MIPEP: variants seen among roughly 807,000 people sequenced by gnomAD.
The protein encoded by MIPEP is mitochondrial intermediate peptidase.
A neutral mutation model predicts 90.3 loss-of-function variants in MIPEP; 79 were observed. The ratio of observed to expected loss-of-function variants is 0.87; its 90% CI spans 0.73 to 1.05. MIPEP has a LOEUF of 1.05. Ranked by LOEUF, MIPEP falls within the 50% of genes least tolerant of loss-of-function variation. The pLI, the probability that MIPEP is intolerant of heterozygous loss-of-function variation, is 0.00. For missense variants in MIPEP, 940 were observed against 905.6 expected, an observed-to-expected ratio of 1.04 and a Z score of -0.49; for synonymous variants, 334 against 315.8, an observed-to-expected ratio of 1.06 and a Z score of -0.61.
chr13:23,749,094 A>C (rs1952413125), intron 18 of MIPEP, among the ~76,000 whole-genome samples: 1 of 152,226 alleles, frequency 6.6e-6, no homozygotes, highest in Admixed American at 6.5e-5. Flanking sequence ...ATTAACTACT[A>C]CTAATTTTCA....
chr13:23,765,741 G>T (rs1160057763), intron 16 of MIPEP, among the ~76,000 whole-genome samples: 1 of 152,170 alleles, frequency 6.6e-6, no homozygotes, highest in African/African-American at 2.4e-5. Context: ...GGACACCATG[G>T]GATTCTTTCA....
chr13:23,752,011 G>A (rs900293995), intron 18 of MIPEP, among the ~76,000 whole-genome samples: 3 of 152,100 alleles, frequency 2.0e-5, no homozygotes, highest in Non-Finnish European at 2.9e-5. Context: ...TAAAGGCCAG[G>A]TCACTTTCAT....
At chr13:23,875,547 T>C (rs1396671110) in intron 4 of MIPEP, among the ~76,000 whole-genome samples, 1 of 151,534 alleles carries the variant, frequency 6.6e-6, no homozygotes, top group East Asian at 1.9e-4. Flanking sequence ...TTTTTGTCAA[T>C]GGTATTTTTT....
chr13:23,867,458 A>T (rs957471070), intron 7 of MIPEP, among the ~76,000 whole-genome samples: 1 of 152,150 alleles, frequency 6.6e-6, no homozygotes, highest in African/African-American at 2.4e-5. Context: ...ACACCAGCCT[A>T]CATGCCCACA....
chr13:23,859,785 C>T (rs1297405168), intron 9 of MIPEP, among the ~76,000 whole-genome samples: 1 of 152,176 alleles, frequency 6.6e-6, no homozygotes, highest in Non-Finnish European at 1.5e-5. Flanking sequence ...AAGGGCTCAA[C>T]AAATGTTGGC....
rs3858755 is a variant in MIPEP at position 23,881,806 on chromosome 13, A to G, written c.364-19T>C. 53 of 1,592,640 alleles carry G rather than the reference A, an allele frequency of 3.3e-5. No homozygotes were observed. The highest frequency in any genetic ancestry group is 4.4e-5 in the Non-Finnish European group (51 of 1,161,858). On this transcript the variant is annotated intron_variant, in intron 2 of 18. Coordinates refer to ENST00000382172, the MANE Select transcript of MIPEP (RefSeq NM_005932.4). ...AATCAGCCTAATAAAGGGGAAAGAC[A>G]AAACCAAAAGGGAATTTGATGAGAA...
chr13:23,833,289 CAAG>C (rs1302439527), intron 14 of MIPEP, among the ~76,000 whole-genome samples: 5 of 152,198 alleles, frequency 3.3e-5, no homozygotes, highest in African/African-American at 9.7e-5. Flanking sequence ...TCATTAGTGA[CAAG>C]AAGAGGCAAG....
chr13:23,866,224 T>C (rs991142037), intron 7 of MIPEP, among the ~76,000 whole-genome samples: 2 of 152,134 alleles, frequency 1.3e-5, no homozygotes, highest in Non-Finnish European at 2.9e-5. Context: ...CTAAATCCCA[T>C]GGCATTGTTT....
At chr13:23,754,357 A>G (rs1721178404) in intron 18 of MIPEP, among the ~76,000 whole-genome samples, 1 of 152,206 alleles carries the variant, frequency 6.6e-6, no homozygotes, top group East Asian at 1.9e-4. Context: ...ACATGAAACA[A>G]ATCATGTGAA....
chr13:23,795,897 G>A (rs971406256), intron 16 of MIPEP, among the ~76,000 whole-genome samples: 3 of 150,540 alleles, frequency 2.0e-5, no homozygotes, highest in Non-Finnish European at 4.4e-5. Context: ...CTGGGAAACC[G>A]AGACAGGAGG....
chr13:23,866,920 T>C (rs1870566306), intron 7 of MIPEP, among the ~76,000 whole-genome samples: 1 of 152,126 alleles, frequency 6.6e-6, no homozygotes, highest in Non-Finnish European at 1.5e-5. Flanking sequence ...CTCTTTCTAG[T>C]TGCTTAGGTC....
intron 16 of MIPEP, among the ~76,000 whole-genome samples, chr13:23,778,405 A>G (rs967144541): frequency 4.6e-5 from 7 of 152,182 alleles, no homozygotes; most frequent in Admixed American, 4.6e-4. Flanking sequence ...TAATAATCAC[A>G]TATGGTCATG....
chr13:23,886,326 A>G lies in MIPEP; in HGVS notation c.363+7T>C, dbSNP rs751403106. 9.9e-6 allele frequency: 15 copies of G among 1,509,838 alleles called. No individual in the cohort carries two copies. The African/African-American group carries it at 1.8e-4, about 18-fold the overall frequency. 93.5% of individuals were successfully genotyped at this position (1,509,838 alleles called of 1,614,324 possible). ...GGTAGCTTCAAGTCTGAGGTAAAGCACCTTACCAAGTCGGCCACTCTGCAT... is the reference window on the plus strand; with the variant it reads ...GGTAGCTTCAAGTCTGAGGTAAAGCGCCTTACCAAGTCGGCCACTCTGCAT... On this transcript the variant is annotated splice_region_variant and intron_variant, in intron 2 of 18. Coordinates refer to ENST00000382172, the MANE Select transcript of MIPEP (RefSeq NM_005932.4).
intron 15 of MIPEP, among the ~76,000 whole-genome samples, chr13:23,808,733 T>TA (rs1349232752): frequency 6.6e-6 from 1 of 152,194 alleles, no homozygotes; most frequent in Non-Finnish European, 1.5e-5. Context: ...AGAAATCCTT[T>TA]AAAAATTATA....
At chr13:23,732,066 T>C (rs1350213633) in intron 18 of MIPEP, among the ~76,000 whole-genome samples, 1 of 146,758 alleles carries the variant, frequency 6.8e-6, no homozygotes, top group African/African-American at 2.5e-5. Context: ...CATGGCTCAC[T>C]GCAGCCTCGA....
chr13:23,861,356 C>G, intron 9 of MIPEP, among the ~76,000 whole-genome samples: 1 of 152,088 alleles, frequency 6.6e-6, no homozygotes, highest in South Asian at 2.1e-4. Flanking sequence ...AAATTCTTAC[C>G]TATTATCTGG....
At chr13:23,810,138 G>A (rs986239737) in intron 14 of MIPEP, among the ~76,000 whole-genome samples, 12 of 152,096 alleles carry the variant, frequency 7.9e-5, no homozygotes, top group Non-Finnish European at 8.8e-5. Flanking sequence ...TGTCAAATAA[G>A]GGTTTGTACA....
At position 23,805,837 on chromosome 13, in the gene MIPEP, CTCAACATA is replaced by C. The variant is rs1953100602; in HGVS notation, c.1848+105_1848+112del. 2.6e-6 allele frequency: 3 copies of C among 1,170,594 alleles called. No homozygotes were observed. In the African/African-American group the frequency reaches 4.6e-5, roughly 18 times the overall value. 72.5% of individuals were successfully genotyped at this position (1,170,594 alleles called of 1,614,324 possible). On this transcript the variant is annotated intron_variant, in intron 16 of 18. Coordinates refer to ENST00000382172, the MANE Select transcript of MIPEP (RefSeq NM_005932.4). The stretch of plus-strand genomic sequence containing the variant: ...TTCCAGCATTTGAGCCATGTGAAGC[CTCAACATA>C]AATGTAGGGATTTCAAGTTCTCCAA...
chr13:23,784,964 G>A (rs1363553057), intron 16 of MIPEP, among the ~76,000 whole-genome samples: 1 of 152,144 alleles, frequency 6.6e-6, no homozygotes, highest in African/African-American at 2.4e-5. Flanking sequence ...AGTTAGAACG[G>A]CGATCATTAA....
Sources: allele counts gnomAD v4.1 joint callset (sites outside exome capture counted in the v4.1 genomes callset), GRCh38; gene constraint gnomAD v4.1.1; transcripts MANE v1.5; gene names NCBI Gene and HGNC (gene_info 2026-07-23, HGNC 2026-07-21).